CAMTA1: variants seen among roughly 807,000 people sequenced by gnomAD.
CAMTA1 encodes the protein calmodulin-binding transcription activator 1.
A neutral mutation model predicts 170.9 loss-of-function variants in CAMTA1; 27 were observed. That is an observed-to-expected ratio of 0.16 (90% CI 0.12 to 0.22). The LOEUF (loss-of-function observed/expected upper bound fraction) is 0.22. Ranked by LOEUF, CAMTA1 falls within the 10% of genes least tolerant of loss-of-function variation. The probability of loss-of-function intolerance (pLI) is 1.00; values close to 1 mark genes in which losing one functional copy is unlikely to be tolerated. For missense variants in CAMTA1, 1,619 were observed against 2,217.2 expected (o/e 0.73, Z 5.42); for synonymous variants, 833 against 891.5 (o/e 0.93, Z 1.17).
chr1:7,210,537 T>G (rs1470117776), intron 4 of CAMTA1, among the ~76,000 whole-genome samples: 1 of 152,214 alleles, frequency 6.6e-6, no homozygotes, highest in Non-Finnish European at 1.5e-5. Context: ...TTTATTCTCT[T>G]CATAATTAAT....
At chr1:7,127,083 C>G (rs1644978052) in intron 4 of CAMTA1, among the ~76,000 whole-genome samples, 1 of 152,010 alleles carries the variant, frequency 6.6e-6, no homozygotes, top group Non-Finnish European at 1.5e-5. Context: ...ACTGCCACTT[C>G]TTTGTAGGGT....
At chr1:6,922,193 A>G (rs1682164968) in intron 3 of CAMTA1, among the ~76,000 whole-genome samples, 1 of 152,128 alleles carries the variant, frequency 6.6e-6, no homozygotes, top group South Asian at 2.1e-4. Context: ...AAAAACTCAC[A>G]CAATTCTGTT....
chr1:7,439,370 T>C (rs2092450677), intron 5 of CAMTA1, among the ~76,000 whole-genome samples: 4 of 152,228 alleles, frequency 2.6e-5, no homozygotes, highest in Admixed American at 2.6e-4. Flanking sequence ...GACTGTGCAG[T>C]GAATGAGCCC....
intron 3 of CAMTA1, among the ~76,000 whole-genome samples, chr1:6,901,999 C>G (rs893038764): frequency 6.7e-6 from 1 of 149,446 alleles, no homozygotes; most frequent in Non-Finnish European, 1.5e-5. Flanking sequence ...GAGCAGAGAT[C>G]ACGCCACTGC....
intron 9 of CAMTA1, among the ~76,000 whole-genome samples, chr1:7,668,511 G>T (rs2096024080): frequency 6.6e-6 from 1 of 151,530 alleles, no homozygotes; most frequent in African/African-American, 2.4e-5. Flanking sequence ...TTTATCTCAG[G>T]ACTCAGAGAC....
At chr1:7,363,488 C>T (rs1261109443) in intron 5 of CAMTA1, among the ~76,000 whole-genome samples, 1 of 152,128 alleles carries the variant, frequency 6.6e-6, no homozygotes, top group Admixed American at 6.5e-5. Context: ...AGCCGAACTT[C>T]ACTTAATCCT....
Position 7,664,128 on chromosome 1 carries a change from C to A in CAMTA1, c.1581C>A (p.Val527=). 5 of 1,613,374 alleles carry A rather than the reference C, an allele frequency of 3.1e-6. No homozygotes were observed. Among genetic ancestry groups the A allele is most frequent in the Non-Finnish European group, 4.2e-6 (5 of 1,180,040 alleles). ...PGERSFSFTT[V]LTKEIKTEDT... is the part of the protein sequence containing the mutation. ...AGCGGAGCTTCAGCTTTACCACCGT[C>A]CTCACCAAGGAGATCAAGACCGAGG... Residue 527 remains valine, a synonymous_variant, in exon 9 of 23, where the codon GTC becomes GTA. Transcript: ENST00000303635.
intron 6 of CAMTA1, among the ~76,000 whole-genome samples, chr1:7,615,870 A>G (rs1409931404): frequency 6.6e-6 from 1 of 152,222 alleles, no homozygotes; most frequent in East Asian, 1.9e-4. Context: ...CCCCAGCCTC[A>G]GTTTCTCCAT....
chr1:7,304,535 G>C (rs1005190493), intron 5 of CAMTA1, among the ~76,000 whole-genome samples: 10 of 151,024 alleles, frequency 6.6e-5, no homozygotes, highest in Non-Finnish European at 1.2e-4. Context: ...TTACATTCCA[G>C]CTAACAGTAT....
chr1:6,912,716 C>G (rs975399574), intron 3 of CAMTA1, among the ~76,000 whole-genome samples: 1 of 152,226 alleles, frequency 6.6e-6, no homozygotes, highest in African/African-American at 2.4e-5. Flanking sequence ...CTGCCTCCCT[C>G]TCAGCAGAAG....
In CAMTA1 at chr1:7,736,416, A is replaced by T. The variant is rs2096772910; in HGVS notation, c.3139A>T (p.Ser1047Cys). The change falls in exon 13 of 23, where the codon AGC (serine) becomes TGC (cysteine). Residue 1047 changes from serine to cysteine, a missense_variant. Ser to Cys is a moderately radical substitution (Grantham distance 112). Coordinates refer to ENST00000303635, the MANE Select transcript of CAMTA1 (RefSeq NM_015215.4). The surrounding 1 kb of genome is among the most constrained non-coding windows in gnomAD (Gnocchi z 4.5). ...RVVVVCEKMM[S>C]RACWAKSKHL... ...GGTCGTGGTATGCGAGAAGATGATG[A>T]GCCGAGCCTGCTGGGCGAAGTCCAA... The T allele has an allele frequency of 6.2e-7, 1 of 1,614,056 alleles. No homozygotes were observed. Among genetic ancestry groups the T allele is most frequent in the East Asian group, 2.2e-5 (1 of 44,850 alleles).
chr1:7,316,661 G>C (rs1383006809), intron 5 of CAMTA1, among the ~76,000 whole-genome samples: 2 of 152,182 alleles, frequency 1.3e-5, no homozygotes, highest in Non-Finnish European at 2.9e-5. Context: ...CTAGACTGGG[G>C]GATGCAGAAA....
chr1:7,425,849 G>C (rs2091850748), intron 5 of CAMTA1, among the ~76,000 whole-genome samples: 1 of 152,196 alleles, frequency 6.6e-6, no homozygotes, highest in South Asian at 2.1e-4. Flanking sequence ...TCACTCTGTA[G>C]CCAGAGGGGC....
chr1:7,566,461 C>G (rs2095043808), intron 6 of CAMTA1, among the ~76,000 whole-genome samples: 1 of 152,106 alleles, frequency 6.6e-6, no homozygotes, highest in Non-Finnish European at 1.5e-5. Context: ...CAAAGAGAAC[C>G]CAGCCCAGCC....
At chr1:6,889,213 A>G (rs891178539) in intron 3 of CAMTA1, among the ~76,000 whole-genome samples, 27 of 152,206 alleles carry the variant, frequency 1.8e-4, no homozygotes, top group African/African-American at 6.5e-4. Flanking sequence ...GTCATGATGC[A>G]TTTTTTATTC....
chr1:7,441,307 T>G (rs1251619949), intron 5 of CAMTA1: 1 of 152,250 alleles, frequency 6.6e-6, no homozygotes, highest in Non-Finnish European at 1.5e-5. Context: ...AAAACTACCA[T>G]ACCAGTGACT....
chr1:7,184,700 T>C (rs895490850), intron 4 of CAMTA1, among the ~76,000 whole-genome samples: 1 of 152,120 alleles, frequency 6.6e-6, no homozygotes, highest in African/African-American at 2.4e-5. Context: ...GTTAGATTTC[T>C]CTGAGTATAT....
At chr1:6,876,339 A>G (rs1049552557) in intron 3 of CAMTA1, among the ~76,000 whole-genome samples, 3 of 151,726 alleles carry the variant, frequency 2.0e-5, no homozygotes, top group Admixed American at 2.0e-4. Context: ...GTGCAAATGA[A>G]TGTTTCTTTA....
At chr1:7,037,608 G>A (rs766199734) in intron 3 of CAMTA1, among the ~76,000 whole-genome samples, 2 of 151,586 alleles carry the variant, frequency 1.3e-5, no homozygotes, top group Non-Finnish European at 2.9e-5. Context: ...GGAAGGCCGA[G>A]GCAGGCGGAT....
Sources: allele counts gnomAD v4.1 joint callset (sites outside exome capture counted in the v4.1 genomes callset), GRCh38; gene constraint gnomAD v4.1.1; non-coding constraint Gnocchi (gnomAD v3.1); transcripts MANE v1.5; gene names NCBI Gene and HGNC (gene_info 2026-07-23, HGNC 2026-07-21).